Variants in ADAM23 observed in about 807,000 individuals in gnomAD.
ADAM23 encodes the protein ADAM metallopeptidase domain 23.
ADAM23 carries 33 observed loss-of-function variants against 120.1 expected under a neutral mutation model. The observed-to-expected ratio is 0.27, with a 90% CI of 0.21 to 0.37. The LOEUF (loss-of-function observed/expected upper bound fraction) is 0.37, where lower values mean the gene tolerates loss of function less well. Among genes scored for constraint, ADAM23 ranks in the 10% least tolerant of loss-of-function variants. The probability of loss-of-function intolerance (pLI) is 1.00; values close to 1 mark genes in which losing one functional copy is unlikely to be tolerated. For synonymous variants in ADAM23, 367 were observed against 375.2 expected (o/e 0.98, Z 0.25); for missense variants, 862 against 1,058.2 (o/e 0.81, Z 2.57).
At chr2:206,606,427 C>A (rs1485652930) in intron 24 of ADAM23, 1 of 152,126 alleles carries the variant, frequency 6.6e-6, no homozygotes, top group Non-Finnish European at 1.5e-5. Context: ...TACTGCCTTC[C>A]TATTTTTCCT....
At chr2:206,495,028 G>A (rs887552216) in intron 3 of ADAM23, among the ~76,000 whole-genome samples, 2 of 152,212 alleles carry the variant, frequency 1.3e-5, no homozygotes, top group Non-Finnish European at 2.9e-5. Flanking sequence ...TCTAATTGGT[G>A]TACCTGAAAG....
rs566147277 is a variant in ADAM23 at position 206,602,323 on chromosome 2, T to A, written c.2359+6161T>A. 1.6e-4 allele frequency among the ~76,000 whole-genome samples: 24 copies of A among 152,330 alleles called. No homozygotes were observed. The South Asian group carries it at 5.0e-3, about 32-fold the overall frequency. On this transcript the variant is annotated intron_variant, in intron 24 of 25. Coordinates refer to ENST00000264377, the MANE Select transcript of ADAM23 (RefSeq NM_003812.4). ...CTTACATGAAATCATTTATTTTGCA[T>A]CCTTTTAGACATTTGTCCATGTATC...
In ADAM23 at chr2:206,596,179, T is replaced by G; in HGVS notation, c.2359+17T>G. The G allele has an allele frequency of 6.3e-7, 1 of 1,597,712 alleles. No individual in the cohort carries two copies. The highest frequency in any genetic ancestry group is 8.6e-7 in the Non-Finnish European group (1 of 1,165,982). On this transcript the variant is annotated intron_variant, in intron 24 of 25. Transcript: ENST00000264377. ...GACCCAAGGGTTTGTGTGATTTTGG[T>G]TTCAATTCATGGAATACTGAATTCG...
At chr2:206,545,564 C>CA (rs765587904) in intron 6 of ADAM23, among the ~76,000 whole-genome samples, 2 of 152,078 alleles carry the variant, frequency 1.3e-5, no homozygotes, top group African/African-American at 4.8e-5. Flanking sequence ...GCTGAACAGA[C>CA]AAACTTTTAT....
Position 206,559,982 on chromosome 2 carries a change from G to C in ADAM23, c.1033G>C (p.Val345Leu). The C allele has an allele frequency of 6.2e-7, 1 of 1,613,962 alleles. No homozygotes were observed. Among genetic ancestry groups the C allele is most frequent in the Non-Finnish European group, 8.5e-7 (1 of 1,179,948 alleles). The change falls in exon 11 of 26, where the codon GTT becomes CTT. Residue 345 changes from valine (V) to leucine (L), a missense_variant. Transcript: ENST00000264377. ...TTACAAGGAGCAGCTCAACACCAGG[G>C]TTGTCCTGGTGGCTGTAGAGACCTG... Reference protein sequence around the residue: ...SIYKEQLNTRVVLVAVETWTE... With the variant: ...SIYKEQLNTRLVLVAVETWTE...
chr2:206,478,800 A>G (rs1186439189), intron 2 of ADAM23, among the ~76,000 whole-genome samples: 1 of 152,216 alleles, frequency 6.6e-6, no homozygotes, highest in East Asian at 1.9e-4. Flanking sequence ...CTCGATTTTT[A>G]TAAATGTTTT....
chr2:206,575,989 T>C (rs1401461198), intron 18 of ADAM23, among the ~76,000 whole-genome samples: 3 of 152,174 alleles, frequency 2.0e-5, no homozygotes, highest in Admixed American at 2.0e-4. Flanking sequence ...TGTAAAGGTG[T>C]TGATATATAT....
chr2:206,544,050 A>G (rs1697347091), intron 6 of ADAM23, among the ~76,000 whole-genome samples: 2 of 152,144 alleles, frequency 1.3e-5, no homozygotes. Context: ...GTGCACCTAA[A>G]TCTCAGAAAT....
chr2:206,447,616 G>C (rs1036569605), intron 2 of ADAM23, among the ~76,000 whole-genome samples: 1 of 152,222 alleles, frequency 6.6e-6, no homozygotes, highest in Non-Finnish European at 1.5e-5. Flanking sequence ...GCTTTCTGCT[G>C]TATCTTAGGA....
chr2:206,494,301 T>C (rs1415620496), intron 3 of ADAM23, among the ~76,000 whole-genome samples: 1 of 152,218 alleles, frequency 6.6e-6, no homozygotes, highest in African/African-American at 2.4e-5. Context: ...GGCTCTCCCT[T>C]ATTACTGTTC....
At chr2:206,572,326 G>A (rs144422158) in intron 17 of ADAM23, among the ~76,000 whole-genome samples, 47 of 152,308 alleles carry the variant, frequency 3.1e-4, no homozygotes, top group Admixed American at 5.2e-4. Context: ...TGGTTTGTGT[G>A]TGTGTGTGGA....
intron 2 of ADAM23, among the ~76,000 whole-genome samples, chr2:206,462,267 A>G (rs1437648769): frequency 2.0e-5 from 3 of 152,230 alleles, no homozygotes; most frequent in African/African-American, 4.8e-5. Context: ...ATTTACTTAC[A>G]TGGTCTAAGA....
At position 206,443,873 on chromosome 2, in the gene ADAM23, C is replaced by A; in HGVS notation, c.7C>A (p.Pro3Thr). MK[P>T]PGSSSRQPPL... ...CGCCCGGGAGCTATGAGCCATGAAG[C>A]CGCCCGGCAGCAGCTCGCGGCAGCC... The change falls in exon 1 of 26, where the codon CCG becomes ACG. Residue 3 changes from proline (P) to threonine (T), a missense_variant. Physicochemically the swap from Pro to Thr is conservative, Grantham distance 38. This residue lies in a region of ADAM23 where 225 missense variants were observed against 204.0 expected (regional missense o/e 1.10). Coordinates refer to ENST00000264377, the MANE Select transcript of ADAM23 (RefSeq NM_003812.4). 8.7e-7 allele frequency: 1 copy of A among 1,142,978 alleles called. No homozygotes were observed. Among genetic ancestry groups the A allele is most frequent in the South Asian group, 3.9e-5 (1 of 25,868 alleles). The allele number at this position is 1,142,978 out of a possible 1,614,324, so 70.8% of individuals were successfully genotyped here.
At chr2:206,613,301 C>T (rs760713710) in intron 25 of ADAM23, among the ~76,000 whole-genome samples, 18 of 152,102 alleles carry the variant, frequency 1.2e-4, no homozygotes, top group Non-Finnish European at 1.6e-4. Flanking sequence ...TCAGGTGATC[C>T]GCCAGACTCG....
chr2:206,450,203 G>A (rs1695164220), intron 2 of ADAM23, among the ~76,000 whole-genome samples: 2 of 152,070 alleles, frequency 1.3e-5, no homozygotes, highest in Admixed American at 1.3e-4. Flanking sequence ...TTTATTATAA[G>A]GAATTAATTT....
At chr2:206,605,804 A>G (rs1436164511) in intron 24 of ADAM23, 3 of 702,474 alleles carry the variant, frequency 4.3e-6, no homozygotes, top group Non-Finnish European at 2.6e-6. Flanking sequence ...TATGGCCACA[A>G]GCAGGCTAAT....
At chr2:206,606,841 C>T (rs1168222970) in intron 24 of ADAM23, 1 of 152,146 alleles carries the variant, frequency 6.6e-6, no homozygotes, top group Non-Finnish European at 1.5e-5. Flanking sequence ...TCTTTTCTGT[C>T]TACTGTGGTG....
chr2:206,570,064 G>A (rs1011238503), intron 15 of ADAM23, among the ~76,000 whole-genome samples: 1 of 152,144 alleles, frequency 6.6e-6, no homozygotes, highest in African/African-American at 2.4e-5. Flanking sequence ...CTTTACAGTT[G>A]CTCTATAATA....
intron 2 of ADAM23, among the ~76,000 whole-genome samples, chr2:206,469,739 T>C (rs770595858): frequency 1.3e-5 from 2 of 152,220 alleles, no homozygotes; most frequent in Non-Finnish European, 2.9e-5. Flanking sequence ...GCACAACTCC[T>C]CTAGTCTCCC....
Sources: gnomAD v4.1 joint callset for allele counts (sites outside exome capture counted in the v4.1 genomes callset) on GRCh38, gnomAD v4.1.1 for gene constraint, gnomAD v4.1.1 regional missense constraint, MANE v1.5 for transcripts, NCBI Gene and HGNC (gene_info 2026-07-23, HGNC 2026-07-21) for gene names.